The following APPL2 variants were observed in gnomAD, a reference collection of about 807,000 sequenced individuals.
APPL2 encodes the protein adaptor protein, phosphotyrosine interacting with PH domain and leucine zipper 2, also known as DCC-interacting protein 13-beta.
Under a neutral mutation model 92.7 loss-of-function variants are expected in APPL2, and 84 were observed. The ratio of observed to expected loss-of-function variants is 0.91; its 90% confidence interval spans 0.76 to 1.09. APPL2 has a LOEUF of 1.09. Ranked by LOEUF, APPL2 falls within the 50% of genes least tolerant of loss-of-function variation. The probability of loss-of-function intolerance (pLI) is 0.00; values close to 1 mark genes in which losing one functional copy is unlikely to be tolerated. For synonymous variants in APPL2, 291 were observed against 291.0 expected (o/e 1.00, Z 0.00); for missense variants, 736 against 824.5 (o/e 0.89, Z 1.31).
rs182787925 is a variant in APPL2 at position 105,191,099 on chromosome 12, T to C, written c.1242-944A>G. Among the ~76,000 whole-genome samples, 7 of 152,326 alleles carry C rather than the reference T, an allele frequency of 4.6e-5. No individual in the cohort carries two copies. The East Asian group carries it at 1.3e-3, about 29-fold the overall frequency. On this transcript the variant is annotated intron_variant, in intron 14 of 20. Transcript: ENST00000258530. ...TCTCAAACATGTCAATAACTGAATG[T>C]AGTGTATCAAACTACTTTACAACAG...
At chr12:105,184,555 C>A (rs1324747696) in intron 17 of APPL2, among the ~76,000 whole-genome samples, 1 of 152,228 alleles carries the variant, frequency 6.6e-6, no homozygotes, top group Non-Finnish European at 1.5e-5. Context: ...ACACTCCGGA[C>A]TCTCTTTGCC....
At chr12:105,188,662 A>G (rs1886942532) in intron 16 of APPL2, among the ~76,000 whole-genome samples, 1 of 152,246 alleles carries the variant, frequency 6.6e-6, no homozygotes. Context: ...TCATTAGACT[A>G]GAAAGGCTTT....
Position 105,174,286 on chromosome 12 carries a change from T to C in APPL2, c.*28A>G. ...CTTAGGAGGTAGCTCTCCTTCCTGT[T>C]TGCTCTTCCCCCACAGGCGCAAGTG... is the stretch of plus-strand genomic sequence containing the variant. On this transcript the variant is annotated 3_prime_UTR_variant, in exon 21 of 21. Transcript: ENST00000258530. 6.2e-7 allele frequency: 1 copy of C among 1,611,456 alleles called. No homozygotes were observed. Among genetic ancestry groups the C allele is most frequent in the South Asian group, 1.1e-5 (1 of 90,656 alleles).
At chr12:105,185,180 T>A (rs1269666678) in intron 17 of APPL2, among the ~76,000 whole-genome samples, 1 of 152,180 alleles carries the variant, frequency 6.6e-6, no homozygotes, top group Non-Finnish European at 1.5e-5. Context: ...CCAGTGGATC[T>A]CAGTGTGTTG....
At chr12:105,189,324 C>T (rs1200420028) in intron 16 of APPL2, among the ~76,000 whole-genome samples, 2 of 152,158 alleles carry the variant, frequency 1.3e-5, no homozygotes, top group Non-Finnish European at 2.9e-5. Flanking sequence ...AGCCAGCGTG[C>T]CGGCCATCAG....
chr12:105,182,061 G>A (rs1312676975), intron 17 of APPL2, among the ~76,000 whole-genome samples: 1 of 152,066 alleles, frequency 6.6e-6, no homozygotes. Flanking sequence ...TTTTGCTCTT[G>A]TTGCCCAGGC....
intron 17 of APPL2, among the ~76,000 whole-genome samples, chr12:105,186,718 T>TATC (rs1566056865): frequency 0.063 from 8,293 of 131,228 alleles, 923 homozygotes; most frequent in African/African-American, 0.23. Context: ...TATCATATCA[T>TATC]ATATATATCA....
rs1018662894 is a variant in APPL2 at position 105,177,455 on chromosome 12, C to A, written c.1635-193G>T. The stretch of plus-strand genomic sequence containing the variant: ...TTAAGGAACCTGTGTAGCTAAAGCT[C>A]AGGGTACCTATAATGGAAGATTATA... On this transcript the variant is annotated intron_variant, in intron 17 of 20. Transcript: ENST00000258530. The A allele has an allele frequency of 4.6e-5, 28 of 603,362 alleles. No individual in the cohort carries two copies. The African/African-American group carries it at 5.2e-4, about 11-fold the overall frequency. 37.4% of individuals were successfully genotyped at this position (603,362 alleles called of 1,614,324 possible). A position where few individuals can be genotyped will look rare whatever the true frequency, so the allele number is the denominator to read the frequency against.
rs932256484 is a variant in APPL2 at position 105,174,878 on chromosome 12, G to T, written c.1861-430C>A. Among the ~76,000 whole-genome samples the T allele has an allele frequency of 2.1e-3, 107 of 52,192 alleles. 4 individuals are homozygous for T. Among genetic ancestry groups the T allele is most frequent in the African/African-American group, 4.2e-3 (94 of 22,588 alleles). The allele number at this position is 52,192 out of a possible 152,430, so 34.2% of individuals were successfully genotyped here. ...ATGCTGCTGCTGCTTTTTTTTGGTGGGGGGGGGGGTGGTGCGGCGGTTGGA... is the reference window on the plus strand; with the variant it reads ...ATGCTGCTGCTGCTTTTTTTTGGTGTGGGGGGGGGTGGTGCGGCGGTTGGA... On this transcript the variant is annotated intron_variant, in intron 20 of 20. Coordinates refer to ENST00000258530, the MANE Select transcript of APPL2 (RefSeq NM_018171.5).
intron 2 of APPL2, 44 bp downstream of exon 2, chr12:105,229,081 A>G: frequency 1.3e-6 from 2 of 1,512,576 alleles, no homozygotes; most frequent in Admixed American, 3.8e-5. Context: ...ATGAGGGGAG[A>G]GAATGCCCAC....
intron 4 of APPL2, among the ~76,000 whole-genome samples, chr12:105,215,536 T>C (rs1268907871): frequency 6.6e-6 from 1 of 152,196 alleles, no homozygotes; most frequent in Non-Finnish European, 1.5e-5. Context: ...CATCAATAAA[T>C]GTTTGTTGAA....
intron 1 of APPL2, among the ~76,000 whole-genome samples, chr12:105,230,968 A>G (rs1416413121): frequency 6.6e-6 from 1 of 152,266 alleles, no homozygotes; most frequent in Non-Finnish European, 1.5e-5. Context: ...ACTTTCAAAA[A>G]TTCATAATCA....
At chr12:105,174,562 G>T in intron 20 of APPL2, 114 bp from the exon 21 acceptor site, 1 of 1,117,354 alleles carries the variant, frequency 8.9e-7, no homozygotes, top group Non-Finnish European at 1.2e-6. Flanking sequence ...CCTGACTCTT[G>T]TGTATATGTG....
rs548581266 is a variant in APPL2, at chr12:105,204,069, G to C, written c.622-284C>G. Reference sequence around the variant, plus strand: ...AGTCTGGGTCCCCTGACAAACCCTGGAGGGCAGGGGTATGGGAGAGGGGAA... The same window carrying C: ...AGTCTGGGTCCCCTGACAAACCCTGCAGGGCAGGGGTATGGGAGAGGGGAA... On this transcript the variant is annotated intron_variant, in intron 8 of 20. Coordinates refer to ENST00000258530, the MANE Select transcript of APPL2 (RefSeq NM_018171.5). Among the ~76,000 whole-genome samples, 3 of 152,314 alleles carry C rather than the reference G, an allele frequency of 2.0e-5. No individual in the cohort carries two copies. In the East Asian group the frequency reaches 5.8e-4, roughly 29 times the overall value.
At chr12:105,195,674 G>C (rs369108478) in intron 11 of APPL2, 47 bp from the exon 12 acceptor site, 26 of 1,595,446 alleles carry the variant, frequency 1.6e-5, no homozygotes, top group Admixed American at 3.3e-5. Flanking sequence ...TGATCTCAGT[G>C]ACTGGGAATT....
intron 9 of APPL2, among the ~76,000 whole-genome samples, chr12:105,200,056 G>A (rs181533484): frequency 4.0e-4 from 60 of 151,374 alleles, no homozygotes; most frequent in African/African-American, 1.4e-3. Flanking sequence ...GGACGGTCTC[G>A]ATCTCCTGAC....
intron 17 of APPL2, chr12:105,177,495 T>G (rs1192422407): frequency 1.8e-6 from 1 of 549,056 alleles, no homozygotes; most frequent in African/African-American, 1.9e-5. Flanking sequence ...AAGTAGAAGA[T>G]TTAACTTCAC....
intron 8 of APPL2, 85 bp from the exon 9 acceptor site, chr12:105,203,870 G>T (rs1322757005): frequency 1.1e-5 from 14 of 1,237,202 alleles, no homozygotes; most frequent in Admixed American, 1.7e-5. Flanking sequence ...CAGCGTGAGG[G>T]CAGCCATCAC....
intron 14 of APPL2, among the ~76,000 whole-genome samples, chr12:105,194,610 G>C (rs1237429621): frequency 1.3e-5 from 2 of 152,156 alleles, no homozygotes; most frequent in Non-Finnish European, 2.9e-5. Context: ...AGAATCACTT[G>C]AATCTGGGAA....
Sources: gnomAD v4.1 joint callset for allele counts (sites outside exome capture counted in the v4.1 genomes callset) on GRCh38, gnomAD v4.1.1 for gene constraint, MANE v1.5 for transcripts, NCBI Gene and HGNC (gene_info 2026-07-23, HGNC 2026-07-21) for gene names.